Variants in NAV3 observed in about 807,000 individuals in gnomAD.
NAV3 encodes the protein neuron navigator 3.
Under a neutral mutation model 244.7 loss-of-function variants are expected in NAV3, and 87 were observed. The observed-to-expected ratio is 0.36, with a 90% CI of 0.30 to 0.42. The LOEUF (loss-of-function observed/expected upper bound fraction) is 0.42, where lower values mean the gene tolerates loss of function less well. NAV3 is among the 20% of genes least tolerant of loss of function. The probability of loss-of-function intolerance (pLI) is 1.00; values close to 1 mark genes in which losing one functional copy is unlikely to be tolerated. For synonymous variants in NAV3, 1,126 were observed against 1,042.2 expected (o/e 1.08, Z -1.55); for missense variants, 2,663 against 2,893.3 (o/e 0.92, Z 1.83).
At chr12:78,137,093 G>A in intron 18 of NAV3, 84 bp from the exon 19 acceptor site, 1 of 1,261,888 alleles carries the variant, frequency 7.9e-7, no homozygotes, top group Admixed American at 2.4e-5. Context: ...ATAAGTATTG[G>A]GATCATGTTC....
At chr12:77,632,108 A>G (rs540216366) in intron 2 of NAV3, among the ~76,000 whole-genome samples, 3 of 151,706 alleles carry the variant, frequency 2.0e-5, no homozygotes, top group East Asian at 1.9e-4. Flanking sequence ...TTTATATCCT[A>G]CTCTTTCCAT....
In NAV3 at chr12:78,199,338, G is replaced by T. The variant is rs1959378689; in HGVS notation, c.6522G>T (p.Trp2174Cys). The change falls in exon 37 of 40, where the codon TGG becomes TGT. Residue 2174 changes from tryptophan to cysteine, a missense_variant. This residue lies in a region of NAV3 where 543 missense variants were observed against 672.4 expected (regional missense o/e 0.81). Coordinates refer to ENST00000397909, the MANE Select transcript of NAV3 (RefSeq NM_001024383.2). ...PNLELHHNFR[W>C]VLCANHTEPV... ...CTGATTTTTTTTCTTTTTGTAGGTGGGTATTATGTGCAAATCATACAGAAC... is the reference window on the plus strand; with the variant it reads ...CTGATTTTTTTTCTTTTTGTAGGTGTGTATTATGTGCAAATCATACAGAAC... 3.1e-6 allele frequency: 5 copies of T among 1,588,010 alleles called. No homozygotes were observed. The highest frequency in any genetic ancestry group is 4.3e-6 in the Non-Finnish European group (5 of 1,171,024).
At chr12:78,156,630 T>C (rs538506340) in intron 22 of NAV3, among the ~76,000 whole-genome samples, 1 of 152,140 alleles carries the variant, frequency 6.6e-6, no homozygotes, top group Non-Finnish European at 1.5e-5. Flanking sequence ...ATTTCTCCAC[T>C]ATAAGGAGAA....
chr12:77,627,515 A>G (rs1173739933), intron 2 of NAV3, among the ~76,000 whole-genome samples: 1 of 152,192 alleles, frequency 6.6e-6, no homozygotes, highest in Non-Finnish European at 1.5e-5. Context: ...GAGCAAATGG[A>G]TACATTCCTG....
intron 5 of NAV3, among the ~76,000 whole-genome samples, chr12:77,992,469 C>T (rs748971087): frequency 9.2e-5 from 14 of 151,992 alleles, no homozygotes; most frequent in Non-Finnish European, 1.8e-4. Flanking sequence ...AATTGTGGTC[C>T]TCTGGATAGA....
intron 1 of NAV3, among the ~76,000 whole-genome samples, chr12:77,851,362 C>T (rs1877495375): frequency 6.6e-6 from 1 of 152,166 alleles, no homozygotes; most frequent in African/African-American, 2.4e-5. Context: ...GTCACAGGTT[C>T]TCTGAAATAT....
At chr12:77,996,460 A>C (rs2136421485) in intron 6 of NAV3, among the ~76,000 whole-genome samples, 1 of 152,366 alleles carries the variant, frequency 6.6e-6, no homozygotes, top group South Asian at 2.1e-4. Context: ...TAAAGGGACC[A>C]ATTATCAGCC....
At chr12:77,714,081 AC>A (rs142987058) in intron 2 of NAV3, among the ~76,000 whole-genome samples, 3,627 of 152,196 alleles carry the variant, frequency 0.024, 145 homozygotes, top group African/African-American at 0.082. Context: ...ATAATATTAT[AC>A]CTAGAGGGCA....
Position 77,751,174 on chromosome 12 carries a change from A to G in NAV3, c.72+178908A>G, listed in dbSNP as rs148120844. On this transcript the variant is annotated intron_variant, in intron 2 of 8. Coordinates refer to the NAV3 transcript ENST00000550042. ...GTGTTGGTCAGGACAAGGTAAACAT[A>G]CGCTGGATAATAAAAGGCACAAAAA... Among the ~76,000 whole-genome samples the G allele has an allele frequency of 3.3e-3, 507 of 152,306 alleles. 3 individuals carry two copies. The highest frequency in any genetic ancestry group is 0.012 in the African/African-American group (479 of 41,576).
At chr12:77,751,928 A>T (rs895751886) in intron 2 of NAV3, among the ~76,000 whole-genome samples, 25 of 152,338 alleles carry the variant, frequency 1.6e-4, no homozygotes, top group African/African-American at 6.0e-4. Context: ...AGATGTCTTC[A>T]GGGAGATATT....
rs1271600331 is a variant in NAV3, at chr12:77,836,733, C to T, written c.243+5029C>T. ...TTTACCCTATCATCCAAATCTTACC[C>T]ACTATTTAAGATTATTTCAAAGGTC... On this transcript the variant is annotated intron_variant, in intron 1 of 39. Coordinates refer to ENST00000397909, the MANE Select transcript of NAV3 (RefSeq NM_001024383.2). Among the ~76,000 whole-genome samples the T allele has an allele frequency of 2.0e-5, 3 of 152,230 alleles. No homozygotes were observed. The East Asian group carries it at 5.8e-4, about 29-fold the overall frequency.
rs2136565599 is a variant in NAV3 at position 78,006,683 on chromosome 12, A to G, written c.1145A>G (p.Lys382Arg). Residue 382 changes from lysine to arginine, a missense_variant, in exon 8 of 40, where the codon AAA (lysine) becomes AGA (arginine). Lys to Arg is a conservative substitution (Grantham distance 26, BLOSUM62 2). Coordinates refer to ENST00000397909, the MANE Select transcript of NAV3 (RefSeq NM_001024383.2). Reference protein sequence around the residue: ...EGVKTAPSGQKSMLEKFKLVN... With the variant: ...EGVKTAPSGQRSMLEKFKLVN... ...GTCAAAACTGCTCCCTCAGGACAGAAATCCATGCTTGAGAAATTCAAGCTA... is the reference window on the plus strand; with the variant it reads ...GTCAAAACTGCTCCCTCAGGACAGAGATCCATGCTTGAGAAATTCAAGCTA... The G allele has an allele frequency of 6.2e-7, 1 of 1,614,184 alleles. No individual in the cohort carries two copies. The highest frequency in any genetic ancestry group is 8.5e-7 in the Non-Finnish European group (1 of 1,180,038).
chr12:78,203,429 C>T (rs1477257858), intron 38 of NAV3, among the ~76,000 whole-genome samples: 1 of 152,022 alleles, frequency 6.6e-6, no homozygotes, highest in Non-Finnish European at 1.5e-5. Flanking sequence ...AACTTTTGCT[C>T]TAAAACAAGA....
intron 2 of NAV3, among the ~76,000 whole-genome samples, chr12:77,659,705 C>G (rs1432028021): frequency 1.3e-5 from 2 of 152,064 alleles, no homozygotes; most frequent in Non-Finnish European, 2.9e-5. Context: ...GACTTGGAAC[C>G]AATCCAAATG....
chr12:78,208,255 A>G (rs1189381944), intron 39 of NAV3, among the ~76,000 whole-genome samples: 1 of 152,104 alleles, frequency 6.6e-6, no homozygotes, highest in Non-Finnish European at 1.5e-5. Context: ...GAACTAATCC[A>G]TTCCCTCCAG....
chr12:77,952,713 C>T (rs1891017026), intron 3 of NAV3, among the ~76,000 whole-genome samples: 1 of 152,092 alleles, frequency 6.6e-6, no homozygotes, highest in South Asian at 2.1e-4. Context: ...TTCTCCCTTC[C>T]CTATGCCCAA....
intron 12 of NAV3, among the ~76,000 whole-genome samples, chr12:78,090,448 C>T (rs1197314094): frequency 6.6e-6 from 1 of 151,852 alleles, no homozygotes; most frequent in Non-Finnish European, 1.5e-5. Flanking sequence ...AACCATATTG[C>T]CTGAAGATGC....
intron 12 of NAV3, among the ~76,000 whole-genome samples, chr12:78,064,395 G>GTGAC (rs529560899): frequency 7.1e-6 from 1 of 139,954 alleles, no homozygotes; most frequent in African/African-American, 2.7e-5. Flanking sequence ...CTATCTATCT[G>GTGAC]TGTCTGTCTG....
chr12:77,602,193 A>G (rs1272249191), intron 2 of NAV3, among the ~76,000 whole-genome samples: 1 of 151,932 alleles, frequency 6.6e-6, no homozygotes, highest in Non-Finnish European at 1.5e-5. Context: ...TAGGAGTAGG[A>G]CAGTCTGGGA....
Sources: gnomAD v4.1 joint callset for allele counts (sites outside exome capture counted in the v4.1 genomes callset) on GRCh38, gnomAD v4.1.1 for gene constraint, gnomAD v4.1.1 regional missense constraint, MANE v1.5 for transcripts, NCBI Gene and HGNC (gene_info 2026-07-23, HGNC 2026-07-21) for gene names.